CEP350: variants seen among roughly 807,000 people sequenced by gnomAD.
The protein encoded by CEP350 is centrosome-associated protein 350.
CEP350 carries 126 observed loss-of-function variants against 331.8 expected under a neutral mutation model. That is an observed-to-expected ratio of 0.38 (90% confidence interval 0.33 to 0.44). CEP350 has a LOEUF of 0.44. CEP350 is among the 20% of genes least tolerant of loss of function. The pLI is 1.00. For synonymous variants in CEP350, 1,200 were observed against 1,259.5 expected (o/e 0.95, Z 1.00); for missense variants, 3,406 against 3,634.6 (o/e 0.94, Z 1.62).
intron 32 of CEP350, 106 bp from the exon 33 acceptor site, chr1:180,090,600 TGACATACC>T (rs2149122567): frequency 1.4e-5 from 6 of 430,600 alleles, no homozygotes; most frequent in Non-Finnish European, 1.7e-5. Flanking sequence ...TGACATAGAT[TGACATACC>T]TACTGTAGAG....
chr1:180,084,615 C>T lies in CEP350; in HGVS notation c.6285+437C>T, dbSNP rs1344964962. On this transcript the variant is annotated intron_variant, in intron 31 of 37. Transcript: ENST00000367607. The stretch of plus-strand genomic sequence containing the variant: ...TCCTGACCTCGTGATCCCCCTGCCT[C>T]GGCCTCCCAAAGTGCTAGGATTACA... Among the ~76,000 whole-genome samples, 6 of 152,180 alleles carry T rather than the reference C, an allele frequency of 3.9e-5. No individual in the cohort carries two copies. The South Asian group carries it at 1.0e-3, about 26-fold the overall frequency.
intron 24 of CEP350, 72 bp from the exon 25 acceptor site, chr1:180,054,343 A>G: frequency 7.9e-7 from 1 of 1,268,582 alleles, no homozygotes; most frequent in East Asian, 2.5e-5. Context: ...TTAGTAGTCA[A>G]GAATTCTTGA....
Position 180,031,379 on chromosome 1 carries a change from C to T in CEP350, c.3610C>T (p.Arg1204Cys), listed in dbSNP as rs532047736. ...ACTTCTTGATGAGGAAAAAGCAGAA[C>T]GTGGCTCCCATCAAGGAAAGAAATC... is the stretch of plus-strand genomic sequence containing the variant. ...NSLLDEEKAE[R>C]GSHQGKKSGT... Residue 1204 changes from arginine (R) to cysteine (C), a missense_variant, in exon 15 of 38, where the codon CGT becomes TGT. Arg to Cys is a radical substitution (Grantham distance 180). This residue lies in a region of CEP350 where 1,857 missense variants were observed against 1,909.2 expected (regional missense o/e 0.97). Coordinates refer to ENST00000367607, the MANE Select transcript of CEP350 (RefSeq NM_014810.5). 19 of 1,607,818 alleles carry T rather than the reference C, an allele frequency of 1.2e-5. No individual in the cohort carries two copies. Among genetic ancestry groups the T allele is most frequent in the South Asian group, 4.4e-5 (4 of 90,714 alleles).
chr1:180,041,811 C>T lies in CEP350; in HGVS notation c.4362+9C>T. The T allele has an allele frequency of 6.2e-7, 1 of 1,607,010 alleles. No homozygotes were observed. Among genetic ancestry groups the T allele is most frequent in the Non-Finnish European group, 8.5e-7 (1 of 1,176,684 alleles). ...CACGTCAAATCTGTGAGGTAGGTGC[C>T]ACTGAGAACACTTCTCTTTTTACTT... is the stretch of plus-strand genomic sequence containing the variant. On this transcript the variant is annotated intron_variant, in intron 19 of 37. Transcript: ENST00000367607.
In CEP350 at chr1:180,014,218, C is replaced by T. The variant is rs568579774; in HGVS notation, c.1765C>T (p.Arg589Cys). 1.2e-5 allele frequency: 20 copies of T among 1,610,474 alleles called. No individual in the cohort carries two copies. Among genetic ancestry groups the T allele is most frequent in the Non-Finnish European group, 1.7e-5 (20 of 1,178,552 alleles). ...AGATCCCCCTGTTATTTCCAAAAGG[C>T]GCCACTATGACACAGATGAGGTACG... Reference protein sequence around the residue: ...NEDPPVISKRRHYDTDEVRQY... With the variant: ...NEDPPVISKRCHYDTDEVRQY... The change falls in exon 10 of 38, where the codon CGC becomes TGC. Residue 589 changes from arginine to cysteine, a missense_variant. Coordinates refer to ENST00000367607, the MANE Select transcript of CEP350 (RefSeq NM_014810.5).
chr1:180,013,680 A>T (rs1654796157), intron 9 of CEP350, among the ~76,000 whole-genome samples, 167 bp from the exon 10 acceptor site: 1 of 152,244 alleles, frequency 6.6e-6, no homozygotes. Context: ...ACTGCTAAAA[A>T]GGGAGGCTTT....
Position 180,020,969 on chromosome 1 carries a change from C to T in CEP350, c.3195C>T (p.Val1065=), listed in dbSNP as rs777951684. Residue 1065 remains valine, a synonymous_variant, in exon 12 of 38, where the codon GTC becomes GTT. Coordinates refer to ENST00000367607, the MANE Select transcript of CEP350 (RefSeq NM_014810.5). ...EELAKGSPHS[V]INIFTKSYQL... is the part of the protein sequence containing the mutation. ...TGGCAAAGGGAAGTCCACATAGCGT[C>T]ATTAATATTTTTACAAAATCCTATC... The T allele has an allele frequency of 1.1e-5, 17 of 1,570,998 alleles. No homozygotes were observed. Among genetic ancestry groups the T allele is most frequent in the Non-Finnish European group, 1.4e-5 (16 of 1,165,434 alleles).
intron 37 of CEP350, among the ~76,000 whole-genome samples, chr1:180,101,270 G>A (rs145183394): frequency 1.6e-3 from 246 of 151,736 alleles, no homozygotes; most frequent in African/African-American, 5.5e-3. Context: ...CTTTTTGCAT[G>A]AGCTCGTTCT....
intron 22 of CEP350, chr1:180,052,245 C>T (rs1373045684): frequency 6.6e-6 from 3 of 453,394 alleles, no homozygotes; most frequent in Non-Finnish European, 1.3e-5. Flanking sequence ...TGCTCTGTCA[C>T]CCAGGCTGGT....
At chr1:180,068,337 A>C (rs892448301) in intron 27 of CEP350, among the ~76,000 whole-genome samples, 1 of 152,094 alleles carries the variant, frequency 6.6e-6, no homozygotes, top group African/African-American at 2.4e-5. Flanking sequence ...TATAATTTCC[A>C]TTTATCAGTA....
chr1:179,978,147 G>T (rs1418789172), intron 1 of CEP350, among the ~76,000 whole-genome samples: 1 of 151,982 alleles, frequency 6.6e-6, no homozygotes, highest in African/African-American at 2.4e-5. Flanking sequence ...ATCATTGCAT[G>T]GCGCATGACT....
At chr1:180,037,211 A>G (rs1400282113) in intron 17 of CEP350, 122 bp downstream of exon 17, 5 of 734,422 alleles carry the variant, frequency 6.8e-6, no homozygotes, top group African/African-American at 1.8e-5. Context: ...TATAGCACCT[A>G]TAAATAAATA....
At chr1:179,961,971 G>A (rs1650659074) in intron 1 of CEP350, among the ~76,000 whole-genome samples, 4 of 151,750 alleles carry the variant, frequency 2.6e-5, no homozygotes, top group South Asian at 4.1e-4. Context: ...TCAGCCTCCC[G>A]AGTAGCTTGG....
Position 180,111,398 on chromosome 1 carries a change from A to G in CEP350, c.*237A>G. 2.7e-6 allele frequency: 1 copy of G among 376,036 alleles called. No individual in the cohort carries two copies. The highest frequency in any genetic ancestry group is 4.4e-5 in the Admixed American group (1 of 22,840). The allele number at this position is 376,036 out of a possible 1,614,324, so 23.3% of individuals were successfully genotyped here. ...TCAGTGGGCAGGGTTGCACAGTGTA[A>G]TCCTACACCTTTTGCTAACACCCCT... On this transcript the variant is annotated 3_prime_UTR_variant, in exon 38 of 38. Coordinates refer to ENST00000367607, the MANE Select transcript of CEP350 (RefSeq NM_014810.5).
At chr1:180,042,986 T>C in intron 19 of CEP350, 70 bp from the exon 20 acceptor site, 1 of 1,511,776 alleles carries the variant, frequency 6.6e-7, no homozygotes, top group Non-Finnish European at 9.0e-7. Flanking sequence ...TCCAAGACAC[T>C]ATGCTCCTTC....
rs548302192 is a variant in CEP350, at chr1:180,014,627, C to A, written c.2052+122C>A. 6.7e-6 allele frequency: 6 copies of A among 894,494 alleles called. No individual in the cohort carries two copies. The East Asian group carries it at 1.7e-4, about 25-fold the overall frequency. 55.4% of individuals were successfully genotyped at this position (894,494 alleles called of 1,614,324 possible). ...CAGATAATACTTATAATAATCATGG[C>A]CTTCATGAAATATATTAAATATGAG... On this transcript the variant is annotated intron_variant, in intron 10 of 37. Transcript: ENST00000367607.
chr1:180,036,995 T>C lies in CEP350; in HGVS notation c.4016T>C (p.Ile1339Thr), dbSNP rs1174247796. The part of the protein sequence containing the change: ...MAAELSYLNA[I>T]EESVRQLSDV... ...GCAGAACTCAGTTATCTGAACGCCA[T>C]TGAGGAGTCGGTGCGCCAACTGTCA... Residue 1339 changes from isoleucine (I) to threonine (T), a missense_variant, in exon 17 of 38, where the codon ATT (isoleucine) becomes ACT (threonine). This residue lies in a region of CEP350 where 1,857 missense variants were observed against 1,909.2 expected (regional missense o/e 0.97). Coordinates refer to ENST00000367607, the MANE Select transcript of CEP350 (RefSeq NM_014810.5). The C allele has an allele frequency of 2.5e-6, 4 of 1,599,562 alleles. No individual in the cohort carries two copies. The highest frequency in any genetic ancestry group is 1.3e-5 in the African/African-American group (1 of 74,792).
intron 1 of CEP350, among the ~76,000 whole-genome samples, chr1:179,960,601 T>C (rs1055029504): frequency 2.8e-4 from 43 of 152,246 alleles, no homozygotes; most frequent in African/African-American, 9.9e-4. Flanking sequence ...TTGATGACAC[T>C]GTGTCTTCCA....
chr1:180,097,604 A>C (rs1169874566), intron 36 of CEP350, among the ~76,000 whole-genome samples: 1 of 152,210 alleles, frequency 6.6e-6, no homozygotes, highest in African/African-American at 2.4e-5. Flanking sequence ...TAATAACATT[A>C]AGTTGAGGTA....
Sources: allele counts gnomAD v4.1 joint callset (sites outside exome capture counted in the v4.1 genomes callset), GRCh38; gene constraint gnomAD v4.1.1; regional missense constraint gnomAD v4.1.1; transcripts MANE v1.5; gene names NCBI Gene and HGNC (gene_info 2026-07-23, HGNC 2026-07-21).